Variants in ST6GALNAC3 observed in about 807,000 individuals in gnomAD.
ST6GALNAC3 encodes the protein alpha-N-acetylgalactosaminide alpha-2,6-sialyltransferase 3.
In ST6GALNAC3, 25 loss-of-function variants were observed where a neutral mutation model predicts 32.7. The observed-to-expected ratio is 0.76, with a 90% CI of 0.56 to 1.07. The LOEUF (loss-of-function observed/expected upper bound fraction) is 1.07, where lower values mean the gene tolerates loss of function less well. ST6GALNAC3 is among the 50% of genes least tolerant of loss of function. ST6GALNAC3 has a pLI of 0.00. For synonymous variants in ST6GALNAC3, 129 were observed against 133.1 expected (o/e 0.97, Z 0.21); for missense variants, 355 against 382.4 (o/e 0.93, Z 0.60).
chr1:76,230,232 G>A (rs779460074), intron 1 of ST6GALNAC3, among the ~76,000 whole-genome samples: 4 of 152,192 alleles, frequency 2.6e-5, no homozygotes, highest in Non-Finnish European at 5.9e-5. Flanking sequence ...GCGTTAAGAT[G>A]AGAAGTTGAC....
At chr1:76,232,595 C>T (rs1023811678) in intron 1 of ST6GALNAC3, among the ~76,000 whole-genome samples, 1 of 152,204 alleles carries the variant, frequency 6.6e-6, no homozygotes, top group African/African-American at 2.4e-5. Context: ...AAGGTCCTCT[C>T]CTTAAGTCCT....
chr1:76,363,892 A>T (rs1235675739), intron 2 of ST6GALNAC3, among the ~76,000 whole-genome samples: 1 of 152,162 alleles, frequency 6.6e-6, no homozygotes, highest in African/African-American at 2.4e-5. Flanking sequence ...TTTCAAGAAA[A>T]TACCAAGGGG....
At chr1:76,272,764 T>C (rs1423524030) in intron 1 of ST6GALNAC3, among the ~76,000 whole-genome samples, 1 of 152,250 alleles carries the variant, frequency 6.6e-6, no homozygotes, top group Non-Finnish European at 1.5e-5. Context: ...ATTTACTGAT[T>C]GGCTCACAAC....
At chr1:76,160,601 C>A (rs1293224184) in intron 1 of ST6GALNAC3, among the ~76,000 whole-genome samples, 2 of 152,182 alleles carry the variant, frequency 1.3e-5, no homozygotes, top group African/African-American at 4.8e-5. Flanking sequence ...CGGTGTTCTA[C>A]AAACTAGCCA....
intron 3 of ST6GALNAC3, among the ~76,000 whole-genome samples, chr1:76,518,545 G>A (rs1313370199): frequency 6.6e-6 from 1 of 151,696 alleles, no homozygotes; most frequent in Non-Finnish European, 1.5e-5. Context: ...CTCACATCGT[G>A]TTTGTTTAAA....
intron 1 of ST6GALNAC3, among the ~76,000 whole-genome samples, chr1:76,210,773 G>T (rs1378638195): frequency 2.0e-5 from 3 of 152,066 alleles, no homozygotes; most frequent in Non-Finnish European, 4.4e-5. Context: ...TTGAGATAGG[G>T]TCTCGCTCTG....
At chr1:76,107,725 C>G (rs899488956) in intron 1 of ST6GALNAC3, among the ~76,000 whole-genome samples, 1 of 152,132 alleles carries the variant, frequency 6.6e-6, no homozygotes, top group South Asian at 2.1e-4. Flanking sequence ...ACACTATGGG[C>G]GACCCATGTG....
At chr1:76,247,849 G>A (rs1657364285) in intron 1 of ST6GALNAC3, among the ~76,000 whole-genome samples, 1 of 151,236 alleles carries the variant, frequency 6.6e-6, no homozygotes, top group South Asian at 2.1e-4. Context: ...TGTCTCGGTG[G>A]GTTTCCAGAT....
At chr1:76,472,804 A>C in intron 3 of ST6GALNAC3, among the ~76,000 whole-genome samples, 1 of 152,110 alleles carries the variant, frequency 6.6e-6, no homozygotes, top group East Asian at 1.9e-4. Flanking sequence ...TTGAAGCTTA[A>C]TTATGAAAAT....
chr1:76,325,996 G>A (rs912457411), intron 2 of ST6GALNAC3, among the ~76,000 whole-genome samples: 2 of 151,878 alleles, frequency 1.3e-5, no homozygotes, highest in African/African-American at 2.4e-5. Flanking sequence ...GAAATCTTGG[G>A]TGTGTCAGAA....
chr1:76,296,581 A>G (rs942295409), intron 1 of ST6GALNAC3, among the ~76,000 whole-genome samples: 5 of 152,074 alleles, frequency 3.3e-5, no homozygotes, highest in African/African-American at 1.2e-4. Context: ...TTTCCAGACC[A>G]TGCTTTATCT....
intron 3 of ST6GALNAC3, among the ~76,000 whole-genome samples, chr1:76,455,059 A>T (rs1170571496): frequency 6.6e-6 from 1 of 151,964 alleles, no homozygotes; most frequent in African/African-American, 2.4e-5. Flanking sequence ...GATTTACTTA[A>T]ATATATCTTC....
intron 3 of ST6GALNAC3, among the ~76,000 whole-genome samples, chr1:76,617,240 T>G (rs1648355271): frequency 6.6e-6 from 1 of 152,230 alleles, no homozygotes; most frequent in African/African-American, 2.4e-5. Flanking sequence ...CTTGGTTTAA[T>G]TCAATCTCCA....
intron 1 of ST6GALNAC3, among the ~76,000 whole-genome samples, chr1:76,208,080 T>C (rs1198872199): frequency 7.0e-6 from 1 of 143,680 alleles, no homozygotes; most frequent in East Asian, 2.1e-4. Flanking sequence ...GAACCCATGC[T>C]AGTCCTTTCA....
At chr1:76,097,961 C>G (rs1312716060) in intron 1 of ST6GALNAC3, among the ~76,000 whole-genome samples, 1 of 151,690 alleles carries the variant, frequency 6.6e-6, no homozygotes, top group Admixed American at 6.6e-5. Flanking sequence ...AATAATTGCT[C>G]TCATACAAAT....
At chr1:76,610,156 T>G (rs1331311937) in intron 3 of ST6GALNAC3, among the ~76,000 whole-genome samples, 1 of 152,182 alleles carries the variant, frequency 6.6e-6, no homozygotes, top group African/African-American at 2.4e-5. Context: ...TATCATAGGA[T>G]TTTATTTTCT....
chr1:76,605,251 G>A (rs1384972668), intron 3 of ST6GALNAC3, among the ~76,000 whole-genome samples: 1 of 152,126 alleles, frequency 6.6e-6, no homozygotes, highest in African/African-American at 2.4e-5. Flanking sequence ...CGTATGAGTA[G>A]GAGTTTGCTT....
intron 3 of ST6GALNAC3, among the ~76,000 whole-genome samples, chr1:76,512,655 C>T (rs1404696807): frequency 2.6e-5 from 4 of 152,132 alleles, no homozygotes; most frequent in Non-Finnish European, 5.9e-5. Context: ...CAATAGAACA[C>T]CAGGACTTAT....
intron 3 of ST6GALNAC3, among the ~76,000 whole-genome samples, chr1:76,534,013 C>G (rs1663433858): frequency 6.6e-6 from 1 of 151,894 alleles, no homozygotes; most frequent in South Asian, 2.1e-4. Flanking sequence ...TAAATTTCAT[C>G]TGTTTTTTAC....
Sources: gnomAD v4.1 joint callset for allele counts (sites outside exome capture counted in the v4.1 genomes callset) on GRCh38, gnomAD v4.1.1 for gene constraint, MANE v1.5 for transcripts, NCBI Gene and HGNC (gene_info 2026-07-23, HGNC 2026-07-21) for gene names.